SPRY3: variants seen among roughly 807,000 people sequenced by gnomAD.
SPRY3 encodes protein sprouty homolog 3.
Under a neutral mutation model 20.2 loss-of-function variants are expected in SPRY3, and 15 were observed. That is an observed-to-expected ratio of 0.74 (90% CI 0.50 to 1.14). The LOEUF is 1.14. SPRY3 is among the 50% of genes most tolerant of loss of function. SPRY3 has a pLI of 0.00. For synonymous variants in SPRY3, 143 were observed against 136.5 expected (o/e 1.05, Z -0.33); for missense variants, 364 against 363.9 (o/e 1.00, Z 0.00).
At chrX:155,718,359 C>T (rs1255910398) in intron 2 of SPRY3, among the ~76,000 whole-genome samples, 1 of 151,946 alleles carries the variant, frequency 6.6e-6, no homozygotes, top group Admixed American at 6.6e-5. Context: ...CACTGTGCCC[C>T]ATAACTATGT....
intron 2 of SPRY3, among the ~76,000 whole-genome samples, chrX:155,708,617 T>C (rs2090966906): frequency 6.6e-6 from 1 of 151,468 alleles, no homozygotes; most frequent in South Asian, 2.1e-4. Context: ...TTTTAATTTC[T>C]GTACATAGCA....
At chrX:155,698,810 T>C (rs2068127019) in intron 2 of SPRY3, among the ~76,000 whole-genome samples, 2 of 112,314 alleles carry the variant, frequency 1.8e-5, no homozygotes, top group South Asian at 7.4e-4. Flanking sequence ...TAGACTGTGC[T>C]GATTAATACG....
At chrX:155,644,917 C>G (rs1478368339) in intron 1 of SPRY3, among the ~76,000 whole-genome samples, 1 of 111,183 alleles carries the variant, frequency 9.0e-6, no homozygotes. Context: ...AATCACTTCC[C>G]GTAGCCACCA....
At chrX:155,639,593 C>CATA (rs1405725018) in intron 1 of SPRY3, among the ~76,000 whole-genome samples, 1 of 112,184 alleles carries the variant, frequency 8.9e-6, no homozygotes, top group Admixed American at 9.5e-5. Context: ...TATGTATACA[C>CATA]CACATTTTAT....
intron 2 of SPRY3, among the ~76,000 whole-genome samples, chrX:155,716,439 C>A (rs2091023018): frequency 6.6e-6 from 1 of 152,098 alleles, no homozygotes; most frequent in Non-Finnish European, 1.5e-5. Context: ...TCTGCTAAAT[C>A]CAACATACAG....
chrX:155,754,960 T>TTG (rs751529683), intron 2 of SPRY3, among the ~76,000 whole-genome samples: 113 of 151,266 alleles, frequency 7.5e-4, no homozygotes, highest in Admixed American at 1.7e-3. Flanking sequence ...GTAGCTGAAC[T>TTG]TGTGTGTGTG....
chrX:155,742,135 A>G (rs1459727359), intron 2 of SPRY3, among the ~76,000 whole-genome samples: 2 of 152,200 alleles, frequency 1.3e-5, no homozygotes, highest in Non-Finnish European at 2.9e-5. Context: ...GGCACGAAAT[A>G]AAGGGATGGA....
downstream of SPRY3, chrX:155,781,079 G>C (rs1858531011): frequency 6.0e-6 from 1 of 166,536 alleles, no homozygotes; most frequent in African/African-American, 2.4e-5. Context: ...AGGAGAAAGG[G>C]AGACAGCAGA....
At chrX:155,736,507 G>A (rs1410044869) in intron 2 of SPRY3, among the ~76,000 whole-genome samples, 1 of 151,816 alleles carries the variant, frequency 6.6e-6, no homozygotes, top group Admixed American at 6.6e-5. Context: ...TAAATACTTC[G>A]TTCCACTTTC....
chrX:155,744,353 G>T (rs5940568), intron 2 of SPRY3, among the ~76,000 whole-genome samples: 35,319 of 151,856 alleles, frequency 0.23, 4,405 homozygotes, highest in African/African-American at 0.37. Context: ...GATATCCTTA[G>T]GATCTCCTGA....
intron 2 of SPRY3, among the ~76,000 whole-genome samples, chrX:155,708,050 G>C (rs983402406): frequency 6.6e-6 from 1 of 150,908 alleles, no homozygotes; most frequent in Admixed American, 6.6e-5. Flanking sequence ...TTCTTCTGTT[G>C]AGTTTTTAAT....
At chrX:155,716,689 C>T (rs2091025037) in intron 2 of SPRY3, among the ~76,000 whole-genome samples, 2 of 151,892 alleles carry the variant, frequency 1.3e-5, no homozygotes, top group African/African-American at 4.8e-5. Context: ...TGTCTCTGTT[C>T]ATTTTTTTAA....
intron 2 of SPRY3, among the ~76,000 whole-genome samples, chrX:155,732,112 C>A (rs1288027948): frequency 6.6e-6 from 1 of 151,950 alleles, no homozygotes; most frequent in African/African-American, 2.4e-5. Context: ...GCCGAAGATT[C>A]ATTTGAAGAA....
chrX:155,733,946 G>C (rs2091151266), intron 2 of SPRY3, among the ~76,000 whole-genome samples: 1 of 152,056 alleles, frequency 6.6e-6, no homozygotes, highest in African/African-American at 2.4e-5. Flanking sequence ...ACAGAGTAAA[G>C]GCCTTGCTCT....
At chrX:155,633,782 C>A (rs1166214889) in intron 1 of SPRY3, among the ~76,000 whole-genome samples, 3 of 111,901 alleles carry the variant, frequency 2.7e-5, no homozygotes, top group African/African-American at 9.8e-5. Flanking sequence ...CACATTCAGA[C>A]AGTGGCAGAA....
chrX:155,734,358 G>A (rs1486594180), intron 2 of SPRY3, among the ~76,000 whole-genome samples: 1 of 151,980 alleles, frequency 6.6e-6, no homozygotes, highest in African/African-American at 2.4e-5. Flanking sequence ...AGTCAGTGGA[G>A]CAGTCAGAAC....
exon 4 of SPRY3, chrX:155,774,015 C>G: frequency 6.2e-7 from 1 of 1,613,952 alleles, no homozygotes; most frequent in Non-Finnish European, 8.5e-7. Flanking sequence ...TTGTGCAAAC[C>G]CACAAGTCTG....
chrX:155,681,729 A>G, intron 2 of SPRY3, among the ~76,000 whole-genome samples: 1 of 112,771 alleles, frequency 8.9e-6, no homozygotes. Flanking sequence ...AGATCAAACC[A>G]ACCACAGAAT....
intron 2 of SPRY3, among the ~76,000 whole-genome samples, chrX:155,684,257 GGAGA>G (rs1216227554): frequency 1.8e-5 from 2 of 110,985 alleles, no homozygotes; most frequent in Non-Finnish European, 3.8e-5. Context: ...TGAAAATACA[GGAGA>G]AAGAGTGAGC....
Sources: gnomAD v4.1 joint callset for allele counts (sites outside exome capture counted in the v4.1 genomes callset) on GRCh38, gnomAD v4.1.1 for gene constraint, MANE v1.5 for transcripts, NCBI Gene and HGNC (gene_info 2026-07-23, HGNC 2026-07-21) for gene names.